Variants in ATP9B observed in about 807,000 individuals in gnomAD.
ATP9B encodes probable phospholipid-transporting ATPase IIB.
ATP9B carries 110 observed loss-of-function variants against 146.1 expected under a neutral mutation model. The ratio of observed to expected loss-of-function variants is 0.75; its 90% CI spans 0.65 to 0.88. ATP9B has a LOEUF of 0.88. Among genes scored for constraint, ATP9B ranks in the 40% least tolerant of loss-of-function variants. ATP9B has a pLI of 0.00. For synonymous variants in ATP9B, 604 were observed against 569.7 expected, an observed-to-expected ratio of 1.06 and a Z score of -0.86; for missense variants, 1,499 against 1,496.4, an observed-to-expected ratio of 1.00 and a Z score of -0.03.
intron 4 of ATP9B, among the ~76,000 whole-genome samples, chr18:79,122,529 G>A (rs966326217): frequency 6.6e-6 from 1 of 152,124 alleles, no homozygotes; most frequent in African/African-American, 2.4e-5. Context: ...TCATATGACT[G>A]TGCTATGAAT....
At chr18:79,353,868 A>G (rs898309310) in intron 25 of ATP9B, 3 of 152,214 alleles carry the variant, frequency 2.0e-5, no homozygotes, top group Admixed American at 2.0e-4. Flanking sequence ...AAAGTTAACA[A>G]AAGTAATTAA....
intron 16 of ATP9B, among the ~76,000 whole-genome samples, chr18:79,329,507 TCTC>T (rs779186031): frequency 1.5e-4 from 23 of 151,968 alleles, no homozygotes; most frequent in African/African-American, 4.8e-4. Flanking sequence ...ATAAAATAAT[TCTC>T]CTAAGTCAAC....
chr18:79,146,423 CTGG>C (rs2094588284), intron 6 of ATP9B: 6 of 120,020 alleles, frequency 5.0e-5, no homozygotes, highest in East Asian at 7.4e-4. Context: ...GTCGGGGGAG[CTGG>C]CGGTGTGGAG....
intron 7 of ATP9B, among the ~76,000 whole-genome samples, chr18:79,165,293 C>T (rs2094948535): frequency 6.6e-6 from 1 of 152,228 alleles, no homozygotes; most frequent in Admixed American, 6.5e-5. Flanking sequence ...GCCTCCAGAG[C>T]AGGCATTCTC....
rs2074799750 is a variant in ATP9B at position 79,096,593 on chromosome 18, A to G, written c.237A>G (p.Gln79=). 2 of 1,614,108 alleles carry G rather than the reference A, an allele frequency of 1.2e-6. No homozygotes were observed. Among genetic ancestry groups the G allele is most frequent in the Non-Finnish European group, 1.7e-6 (2 of 1,180,004 alleles). ...CCTTACCACGAGCCAGGATAATGCA[A>G]AGGAAAAGAGGACTGGAGTGGTTTG... ...YHTLPRARIM[Q]RKRGLEWFVC... The change falls in exon 2 of 30, where the codon CAA becomes CAG. Residue 79 remains glutamine, a synonymous_variant. Transcript: ENST00000426216.
intron 2 of ATP9B, among the ~76,000 whole-genome samples, chr18:79,099,315 G>A (rs2075076551): frequency 6.6e-6 from 1 of 152,032 alleles, no homozygotes; most frequent in Non-Finnish European, 1.5e-5. Context: ...TCCGCCTTCT[G>A]GGTTCAAGCG....
At chr18:79,185,098 C>A (rs925909011) in intron 8 of ATP9B, among the ~76,000 whole-genome samples, 5 of 151,980 alleles carry the variant, frequency 3.3e-5, no homozygotes, top group African/African-American at 9.7e-5. Flanking sequence ...CAGGGATAGG[C>A]GGGTTGCATG....
At chr18:79,253,272 C>T in intron 11 of ATP9B, 109 bp from the exon 12 acceptor site, 1 of 981,496 alleles carries the variant, frequency 1.0e-6, no homozygotes, top group Non-Finnish European at 1.5e-6. Context: ...AGGCTAATAC[C>T]AATAAATTTT....
intron 9 of ATP9B, among the ~76,000 whole-genome samples, chr18:79,201,898 C>T (rs1435053082): frequency 6.6e-6 from 1 of 152,070 alleles, no homozygotes; most frequent in African/African-American, 2.4e-5. Flanking sequence ...TTTAATTAGC[C>T]TAGTGGGGTG....
intron 11 of ATP9B, among the ~76,000 whole-genome samples, chr18:79,222,542 GT>G (rs1456592777): frequency 1.3e-5 from 2 of 152,124 alleles, no homozygotes; most frequent in Non-Finnish European, 2.9e-5. Context: ...CAACTTCCTG[GT>G]TCTCCTCCCT....
At chr18:79,264,522 A>G (rs1429542257) in intron 12 of ATP9B, among the ~76,000 whole-genome samples, 1 of 144,790 alleles carries the variant, frequency 6.9e-6, no homozygotes, top group Admixed American at 7.0e-5. Context: ...TTGATTTTAC[A>G]TGCCAAATAT....
intron 15 of ATP9B, among the ~76,000 whole-genome samples, chr18:79,320,959 T>G (rs905845618): frequency 3.9e-5 from 6 of 152,342 alleles, no homozygotes; most frequent in African/African-American, 1.4e-4. Context: ...TGTGTATATT[T>G]TAATCTCTCA....
At chr18:79,369,794 T>G (rs1036102756) in intron 26 of ATP9B, among the ~76,000 whole-genome samples, 1 of 152,042 alleles carries the variant, frequency 6.6e-6, no homozygotes, top group Non-Finnish European at 1.5e-5. Context: ...TTGGTTAATC[T>G]TTCCTTAAAA....
At chr18:79,290,224 G>A (rs942442111) in intron 13 of ATP9B, among the ~76,000 whole-genome samples, 8 of 152,188 alleles carry the variant, frequency 5.3e-5, no homozygotes, top group African/African-American at 1.9e-4. Flanking sequence ...CAGAGGTGGA[G>A]CCTACAGAGG....
intron 4 of ATP9B, chr18:79,117,683 A>G (rs949212133): frequency 6.6e-6 from 1 of 152,196 alleles, no homozygotes; most frequent in Admixed American, 6.5e-5. Flanking sequence ...ATGTTTGTGT[A>G]TATATTGCAT....
intron 11 of ATP9B, among the ~76,000 whole-genome samples, chr18:79,230,838 T>A (rs750519471): frequency 1.1e-4 from 17 of 152,038 alleles, no homozygotes; most frequent in African/African-American, 4.1e-4. Context: ...TGGAACAGAA[T>A]AGAGAACCCA....
intron 9 of ATP9B, among the ~76,000 whole-genome samples, chr18:79,200,789 G>GGGGACTGTCGGGGTCAGA (rs1244770040): frequency 9.0e-4 from 71 of 79,140 alleles, no homozygotes; most frequent in Non-Finnish European, 1.1e-3. Context: ...AAGTAGTGGT[G>GGGGACTGTCGGGGTCAGA]GAATTGTTTT....
chr18:79,228,140 G>A (rs565773328), intron 11 of ATP9B, among the ~76,000 whole-genome samples: 6 of 152,290 alleles, frequency 3.9e-5, no homozygotes, highest in African/African-American at 1.4e-4. Context: ...AGATGAGTAT[G>A]GAATAGTATT....
chr18:79,115,135 CAGAG>C (rs1172505811), intron 4 of ATP9B: 4 of 144,252 alleles, frequency 2.8e-5, no homozygotes, highest in African/African-American at 5.3e-5. Context: ...AACAGACAAA[CAGAG>C]AGCCAAATCA....
Sources: allele counts gnomAD v4.1 joint callset (sites outside exome capture counted in the v4.1 genomes callset), GRCh38; gene constraint gnomAD v4.1.1; transcripts MANE v1.5; gene names NCBI Gene and HGNC (gene_info 2026-07-23, HGNC 2026-07-21).